Variants in EXOC6B observed in about 807,000 individuals in gnomAD.
EXOC6B encodes SEC15 homolog B.
Under a neutral mutation model 113.5 loss-of-function variants are expected in EXOC6B, and 54 were observed. The observed-to-expected ratio is 0.48, with a 90% CI of 0.38 to 0.60. EXOC6B has a LOEUF of 0.60. EXOC6B is among the 20% of genes least tolerant of loss of function. EXOC6B has a pLI of 0.00. For missense variants in EXOC6B, 797 were observed against 977.5 expected, an observed-to-expected ratio of 0.82 and a Z score of 2.46; for synonymous variants, 357 against 339.0, an observed-to-expected ratio of 1.05 and a Z score of -0.58.
rs116297683 is a variant in EXOC6B, at chr2:72,490,469, T to C, written c.1665+1849A>G. 5.7e-3 allele frequency among the ~76,000 whole-genome samples: 863 copies of C among 152,242 alleles called. 8 individuals are homozygous for C. Among genetic ancestry groups the C allele is most frequent in the African/African-American group, 0.019 (798 of 41,564 alleles). Reference sequence around the variant, plus strand: ...GATGTGAACTCACTTTAGTTACTCATAAAGGATGTGTCTTCTCTTTCCAAA... The same window carrying C: ...GATGTGAACTCACTTTAGTTACTCACAAAGGATGTGTCTTCTCTTTCCAAA... On this transcript the variant is annotated intron_variant, in intron 16 of 21. Transcript: ENST00000272427.
intron 6 of EXOC6B, among the ~76,000 whole-genome samples, chr2:72,686,588 G>A (rs115482973): frequency 0.016 from 2,484 of 152,234 alleles, 66 homozygotes; most frequent in African/African-American, 0.057. Context: ...TGAGGCTTCT[G>A]TATAACCATA....
chr2:72,200,720 A>G (rs776481796), intron 20 of EXOC6B, among the ~76,000 whole-genome samples: 1 of 152,224 alleles, frequency 6.6e-6, no homozygotes, highest in African/African-American at 2.4e-5. Flanking sequence ...TCTTTCTAAT[A>G]TATGATGCAA....
At chr2:72,199,894 T>C (rs1311564190) in intron 20 of EXOC6B, among the ~76,000 whole-genome samples, 1 of 152,074 alleles carries the variant, frequency 6.6e-6, no homozygotes, top group African/African-American at 2.4e-5. Flanking sequence ...TTGGGAGGTT[T>C]TTATTTTTAT....
At chr2:72,652,676 TATAA>T (rs1674273238) in intron 6 of EXOC6B, among the ~76,000 whole-genome samples, 1 of 148,870 alleles carries the variant, frequency 6.7e-6, no homozygotes, top group Non-Finnish European at 1.5e-5. Flanking sequence ...TATATGTATA[TATAA>T]ATGATTGTAT....
chr2:72,230,270 T>C (rs560037255), intron 20 of EXOC6B, among the ~76,000 whole-genome samples: 6 of 152,330 alleles, frequency 3.9e-5, no homozygotes, highest in African/African-American at 1.4e-4. Context: ...ACTACAGTTC[T>C]GCTGAATGTA....
intron 15 of EXOC6B, among the ~76,000 whole-genome samples, chr2:72,493,680 T>C (rs1699882309): frequency 6.6e-6 from 1 of 152,132 alleles, no homozygotes; most frequent in Admixed American, 6.6e-5. Flanking sequence ...TATTTTACCA[T>C]AGAAATGCCA....
chr2:72,235,791 C>A (rs1193586960), intron 20 of EXOC6B, among the ~76,000 whole-genome samples: 2 of 151,986 alleles, frequency 1.3e-5, no homozygotes, highest in Non-Finnish European at 2.9e-5. Context: ...GTCTCGGTAG[C>A]CTTTCCATAC....
At chr2:72,719,961 T>C (rs1679886131) in intron 5 of EXOC6B, among the ~76,000 whole-genome samples, 1 of 152,146 alleles carries the variant, frequency 6.6e-6, no homozygotes. Flanking sequence ...TATCATTGGG[T>C]TTACAAAATA....
intron 18 of EXOC6B, among the ~76,000 whole-genome samples, chr2:72,405,493 T>C (rs1036026994): frequency 6.6e-5 from 10 of 152,142 alleles, no homozygotes; most frequent in African/African-American, 9.7e-5. Context: ...ATCAGACTAG[T>C]TGCGGATCTC....
At chr2:72,742,194 T>C (rs1681362985) in intron 1 of EXOC6B, among the ~76,000 whole-genome samples, 3 of 152,220 alleles carry the variant, frequency 2.0e-5, no homozygotes. Flanking sequence ...TATCTACAAT[T>C]CAGTCCCTCT....
At chr2:72,693,875 A>C (rs1343804098) in intron 6 of EXOC6B, among the ~76,000 whole-genome samples, 3 of 147,106 alleles carry the variant, frequency 2.0e-5, no homozygotes, top group South Asian at 2.1e-4. Flanking sequence ...ACTCATCCTT[A>C]CTCCTCTAAA....
rs1488554125 is a variant in EXOC6B at position 72,595,288 on chromosome 2, T to TATAG, written c.670-19621_670-19620insCTAT. ...ATATATATATATAGATATATAGATA[T>TATAG]ATATATCTATATATATATATGACAA... is the stretch of plus-strand genomic sequence containing the variant. On this transcript the variant is annotated intron_variant, in intron 6 of 21. Coordinates refer to ENST00000272427, the MANE Select transcript of EXOC6B (RefSeq NM_015189.3). Among the ~76,000 whole-genome samples, 10 of 146,690 alleles carry TATAG rather than the reference T, an allele frequency of 6.8e-5. 1 individual carries two copies. The highest frequency in any genetic ancestry group is 6.8e-5 in the Admixed American group (1 of 14,686).
intron 8 of EXOC6B, among the ~76,000 whole-genome samples, chr2:72,546,215 G>A (rs1316752061): frequency 4.6e-5 from 7 of 152,278 alleles, no homozygotes; most frequent in South Asian, 2.1e-4. Flanking sequence ...TTGGGAGGCC[G>A]AGGTGGGCGG....
In EXOC6B at chr2:72,492,425, T is replaced by C. The variant is rs1699791703; in HGVS notation, c.1558A>G (p.Thr520Ala). ...KFSEDLHLSSTEVDDMIRKST... is the reference protein window; with the variant it reads ...KFSEDLHLSSAEVDDMIRKST... ...TTCCGAATCATGTCATCAACTTCAG[T>C]TGAGCTGAAAAAGAAGCATTAAGAG... The change falls in exon 16 of 22, where the codon ACT becomes GCT. Residue 520 changes from threonine to alanine, a missense_variant. Physicochemically the swap from Thr to Ala is moderately conservative, Grantham distance 58. Coordinates refer to ENST00000272427, the MANE Select transcript of EXOC6B (RefSeq NM_015189.3). 4 of 1,610,170 alleles carry C rather than the reference T, an allele frequency of 2.5e-6. No homozygotes were observed. Among genetic ancestry groups the C allele is most frequent in the African/African-American group, 1.3e-5 (1 of 74,824 alleles).
At chr2:72,480,935 C>T (rs1313085272) in intron 16 of EXOC6B, among the ~76,000 whole-genome samples, 185 bp from the exon 17 acceptor site, 1 of 152,162 alleles carries the variant, frequency 6.6e-6, no homozygotes, top group Non-Finnish European at 1.5e-5. Context: ...TTGATATGGT[C>T]AGGCTTTGTG....
intron 2 of EXOC6B, among the ~76,000 whole-genome samples, chr2:72,738,831 C>T (rs1341299758): frequency 6.6e-6 from 1 of 152,052 alleles, no homozygotes; most frequent in Non-Finnish European, 1.5e-5. Context: ...CAAAAATTGG[C>T]CAGACATGGT....
chr2:72,615,142 G>C (rs1298432742), intron 6 of EXOC6B, among the ~76,000 whole-genome samples: 1 of 152,004 alleles, frequency 6.6e-6, no homozygotes, highest in Non-Finnish European at 1.5e-5. Flanking sequence ...TCATAAGGTT[G>C]TACTAGAGAT....
Position 72,655,767 on chromosome 2 carries a change from G to A in EXOC6B, c.669+62336C>T, listed in dbSNP as rs375271307. 1.5e-4 allele frequency among the ~76,000 whole-genome samples: 23 copies of A among 152,148 alleles called. 2 individuals are homozygous for A. Among genetic ancestry groups the A allele is most frequent in the African/African-American group, 4.6e-4 (19 of 41,546 alleles). ...AAAATTACAAATTGCACTTTTAGTA[G>A]AAAATGCTTTTCAAATTTATCATAT... On this transcript the variant is annotated intron_variant, in intron 6 of 21. Transcript: ENST00000272427.
At chr2:72,544,171 G>A (rs1171107980) in intron 8 of EXOC6B, among the ~76,000 whole-genome samples, 1 of 152,180 alleles carries the variant, frequency 6.6e-6, no homozygotes, top group Admixed American at 6.5e-5. Flanking sequence ...GAGGAATAGT[G>A]TCTAAATATC....
Sources: gnomAD v4.1 joint callset for allele counts (sites outside exome capture counted in the v4.1 genomes callset) on GRCh38, gnomAD v4.1.1 for gene constraint, MANE v1.5 for transcripts, NCBI Gene and HGNC (gene_info 2026-07-23, HGNC 2026-07-21) for gene names.